Variants in USP30 observed in about 807,000 individuals in gnomAD.
USP30 encodes the protein ubiquitin specific peptidase 30.
A neutral mutation model predicts 68.2 loss-of-function variants in USP30; 41 were observed. The observed-to-expected ratio is 0.60, with a 90% CI of 0.47 to 0.78. USP30 has a LOEUF of 0.78. Ranked by LOEUF, USP30 falls within the 30% of genes least tolerant of loss-of-function variation. USP30 has a pLI of 0.00. For missense variants in USP30, 522 were observed against 649.4 expected (o/e 0.80, Z 2.13); for synonymous variants, 229 against 253.7 (o/e 0.90, Z 0.93).
At chr12:109,061,474 C>A (rs1452054963) in intron 3 of USP30, among the ~76,000 whole-genome samples, 4 of 151,374 alleles carry the variant, frequency 2.6e-5, no homozygotes, top group African/African-American at 9.7e-5. Flanking sequence ...AGTGGCACAA[C>A]CTCAGCTCAC....
intron 7 of USP30, 145 bp from the exon 8 acceptor site, chr12:109,081,189 G>T (rs2041785055): frequency 1.4e-6 from 1 of 711,700 alleles, no homozygotes; most frequent in South Asian, 2.0e-5. Flanking sequence ...TGTTTTAATA[G>T]AATTTTATTC....
intron 1 of USP30, chr12:109,054,551 T>C (rs2040781866): frequency 6.6e-6 from 1 of 151,564 alleles, no homozygotes; most frequent in African/African-American, 2.4e-5. Context: ...AAAATAAAAA[T>C]AAGAAAAAAA....
In USP30 at chr12:109,057,975, C is replaced by T. The variant is rs1376369557; in HGVS notation, c.243C>T (p.Ser81=). The change falls in exon 3 of 13, where the codon TCC becomes TCT. Residue 81 remains serine (S), a synonymous_variant. Transcript: ENST00000257548. ...VNLGNTCFMN[S]LLQGLSACPA... ...TAGGGAACACCTGCTTCATGAACTC[C>T]CTGCTACAAGGCCTGTCTGCCTGTC... 6.2e-7 allele frequency: 1 copy of T among 1,614,134 alleles called. No individual in the cohort carries two copies. The highest frequency in any genetic ancestry group is 1.7e-5 in the Admixed American group (1 of 60,000).
At chr12:109,029,188 G>A (rs181442677) in intron 3 of USP30, among the ~76,000 whole-genome samples, 9 of 152,332 alleles carry the variant, frequency 5.9e-5, no homozygotes, top group Admixed American at 2.0e-4. Context: ...GCTTGGTCCA[G>A]ATGTCTAGCT....
intron 3 of USP30, among the ~76,000 whole-genome samples, chr12:109,031,805 T>C (rs2040483491): frequency 6.6e-6 from 1 of 152,130 alleles, no homozygotes; most frequent in Non-Finnish European, 1.5e-5. Context: ...TAGTCACTCA[T>C]AGAAACAGAA....
intron 8 of USP30, chr12:109,081,605 A>G: frequency 1.7e-6 from 1 of 587,460 alleles, no homozygotes; most frequent in South Asian, 2.0e-5. Flanking sequence ...CTTTTTGAAT[A>G]CACACGCACG....
rs1175102688 is a variant in USP30, at chr12:109,070,317, T to G, written c.481-1295T>G. On this transcript the variant is annotated intron_variant, in intron 4 of 12. Transcript: ENST00000257548. This position sits in a 1 kb window ranked among gnomAD's most constrained non-coding sequence, Gnocchi z 4.0. ...GGACTGCTGCTGAATTGGCTGAGGGTGGGTTAGAGTTCAGAGGGGTGGAGG... is the reference window on the plus strand; with the variant it reads ...GGACTGCTGCTGAATTGGCTGAGGGGGGGTTAGAGTTCAGAGGGGTGGAGG... Among the ~76,000 whole-genome samples the G allele has an allele frequency of 6.6e-6, 1 of 151,644 alleles. No individual in the cohort carries two copies. The highest frequency in any genetic ancestry group is 1.5e-5 in the Non-Finnish European group (1 of 67,890).
intron 3 of USP30, among the ~76,000 whole-genome samples, chr12:109,061,835 C>T (rs1197567254): frequency 6.6e-6 from 1 of 152,188 alleles, no homozygotes; most frequent in Non-Finnish European, 1.5e-5. Context: ...CCACCTTTCC[C>T]AAAAGGAAGC....
At position 109,086,392 on chromosome 12, in the gene USP30, A is replaced by G. The variant is rs1436329807; in HGVS notation, c.*461A>G. On this transcript the variant is annotated 3_prime_UTR_variant, in exon 13 of 13. Transcript: ENST00000257548. ...CAATTTAGAAGAAAAAGTGCCTTTC[A>G]CTTTCGATTGCTTTTGTAGCACGTC... 1 of 157,682 alleles carries G rather than the reference A, an allele frequency of 6.3e-6. No homozygotes were observed. Among genetic ancestry groups the G allele is most frequent in the Non-Finnish European group, 1.4e-5 (1 of 71,352 alleles). 9.8% of individuals were successfully genotyped at this position (157,682 alleles called of 1,614,324 possible). A position where few individuals can be genotyped will look rare whatever the true frequency, so the allele number is the denominator to read the frequency against.
rs1281598115 is a variant in USP30, at chr12:109,083,037, G to A, written c.1143G>A (p.Gln381=). Residue 381 remains glutamine, a synonymous_variant, in exon 11 of 13, where the codon CAG becomes CAA. Transcript: ENST00000257548. ...ACCCAGGGCCTACACTGGAGCTGCA[G>A]GATGGGCCGGGAGCCCCCACACCAG... ...NKNPGPTLEL[Q]DGPGAPTPVL... is the part of the protein sequence containing the mutation. 4 of 1,611,976 alleles carry A rather than the reference G, an allele frequency of 2.5e-6. No individual in the cohort carries two copies. Among genetic ancestry groups the A allele is most frequent in the African/African-American group, 1.3e-5 (1 of 74,902 alleles).
chr12:109,042,860 T>C (rs2135674428), intron 3 of USP30, among the ~76,000 whole-genome samples: 1 of 151,954 alleles, frequency 6.6e-6, no homozygotes, highest in Non-Finnish European at 1.5e-5. Context: ...CCTTAAAGAG[T>C]CCAGAAAAAA....
At chr12:109,072,795 A>T (rs2041485565) in intron 6 of USP30, among the ~76,000 whole-genome samples, 2 of 152,210 alleles carry the variant, frequency 1.3e-5, no homozygotes, top group South Asian at 4.1e-4. Context: ...TTTTGAGCCC[A>T]TGCTGTTTGC....
rs2041837343 is a variant in USP30 at position 109,082,703 on chromosome 12, A to C, written c.908A>C (p.His303Pro). 3.7e-6 allele frequency: 6 copies of C among 1,614,064 alleles called. No homozygotes were observed. Among genetic ancestry groups the C allele is most frequent in the Non-Finnish European group, 5.1e-6 (6 of 1,180,030 alleles). Residue 303 changes from histidine to proline, a missense_variant, in exon 10 of 13, where the codon CAC (histidine) becomes CCC (proline). Transcript: ENST00000257548. ...KGTLNGEKVEHQRTTFVKQLK... is the reference protein window; with the variant it reads ...KGTLNGEKVEPQRTTFVKQLK... ...ACGTTGAACGGGGAAAAGGTGGAAC[A>C]CCAGAGGACCACTTTTGTTAAACAG...
chr12:109,042,439 C>T (rs1259850653), intron 3 of USP30, among the ~76,000 whole-genome samples: 1 of 152,132 alleles, frequency 6.6e-6, no homozygotes, highest in Non-Finnish European at 1.5e-5. Flanking sequence ...TTCTCTCACA[C>T]AAATGATAGC....
At chr12:109,051,249 CTTTTTTTTTTTTTTT>C (rs138942249), upstream of USP30, among the ~76,000 whole-genome samples, 4 of 63,566 alleles carry the variant, frequency 6.3e-5, no homozygotes, top group African/African-American at 2.2e-4. Flanking sequence ...TTACCTCTTG[CTTTTTTTTTTTTTTT>C]TTTTTTTTTT....
At chr12:109,080,100 C>G (rs149937801) in intron 7 of USP30, among the ~76,000 whole-genome samples, 1 of 152,152 alleles carries the variant, frequency 6.6e-6, no homozygotes, top group African/African-American at 2.4e-5. Flanking sequence ...TTGCCAGGCT[C>G]CCTGGAGTTT....
upstream of USP30, among the ~76,000 whole-genome samples, chr12:109,050,283 G>A (rs544687337): frequency 6.6e-6 from 1 of 152,260 alleles, no homozygotes; most frequent in Middle Eastern, 3.4e-3. Context: ...CACAGAGCGA[G>A]CCTCCATCTC....
chr12:109,078,127 T>C (rs1312219965), intron 7 of USP30, among the ~76,000 whole-genome samples: 1 of 152,158 alleles, frequency 6.6e-6, no homozygotes, highest in Non-Finnish European at 1.5e-5. Flanking sequence ...CGTACAATTT[T>C]CCATAATAGC....
intron 3 of USP30, among the ~76,000 whole-genome samples, chr12:109,066,591 A>T (rs1220532135): frequency 2.0e-5 from 3 of 152,136 alleles, no homozygotes; most frequent in African/African-American, 7.2e-5. Context: ...AGGCTGAGGC[A>T]GGAGAATCGC....
Sources: allele counts gnomAD v4.1 joint callset (sites outside exome capture counted in the v4.1 genomes callset), GRCh38; gene constraint gnomAD v4.1.1; non-coding constraint Gnocchi (gnomAD v3.1); transcripts MANE v1.5; gene names NCBI Gene and HGNC (gene_info 2026-07-23, HGNC 2026-07-21).